IGBP1C: variants seen among roughly 807,000 people sequenced by gnomAD.
The protein encoded by IGBP1C is immunoglobulin-binding protein 1 family member C.
At chr17:58,689,847 A>ATTT in the IGBP1C span, among the ~76,000 whole-genome samples, 7 of 141,272 alleles carry the variant, frequency 5.0e-5, no homozygotes, top group Non-Finnish European at 9.3e-5. Flanking sequence ...GGGCCAGAAG[A>ATTT]TTTTTTTTTT....
the IGBP1C span, chr17:58,691,837 C>A: frequency 6.6e-6 from 1 of 152,160 alleles, no homozygotes; most frequent in Non-Finnish European, 1.5e-5. Flanking sequence ...TTGAACACCC[C>A]TTCCCAAGTC....
the IGBP1C span, among the ~76,000 whole-genome samples, chr17:58,678,032 C>A: frequency 6.6e-6 from 1 of 152,164 alleles, no homozygotes; most frequent in Non-Finnish European, 1.5e-5. Context: ...TGCCTGTAAG[C>A]CCAGCTATTC....
Sources: allele counts gnomAD v4.1 joint callset (sites outside exome capture counted in the v4.1 genomes callset), GRCh38; gene constraint gnomAD v4.1.1; transcripts MANE v1.5; gene names NCBI Gene and HGNC (gene_info 2026-07-23, HGNC 2026-07-21).